GPC6: variants seen among roughly 807,000 people sequenced by gnomAD.
GPC6 encodes glypican 6, also known as glypican-6.
A neutral mutation model predicts 55.2 loss-of-function variants in GPC6; 14 were observed. The ratio of observed to expected loss-of-function variants is 0.25; its 90% CI spans 0.17 to 0.40. The LOEUF (loss-of-function observed/expected upper bound fraction) is 0.40, where lower values mean the gene tolerates loss of function less well. Among genes scored for constraint, GPC6 ranks in the 10% least tolerant of loss-of-function variants. The pLI, the probability that GPC6 is intolerant of heterozygous loss-of-function variation, is 1.00. For missense variants in GPC6, 641 were observed against 708.5 expected, an observed-to-expected ratio of 0.90 and a Z score of 1.08; for synonymous variants, 278 against 259.6, an observed-to-expected ratio of 1.07 and a Z score of -0.68.
At chr13:93,585,998 G>T (rs932690816) in intron 2 of GPC6, among the ~76,000 whole-genome samples, 6 of 151,806 alleles carry the variant, frequency 4.0e-5, no homozygotes, top group African/African-American at 1.5e-4. Context: ...GGATACATGT[G>T]CAGGTTTGTT....
chr13:93,725,656 C>A (rs1883610091), intron 2 of GPC6, among the ~76,000 whole-genome samples: 1 of 151,996 alleles, frequency 6.6e-6, no homozygotes, highest in Admixed American at 6.6e-5. Flanking sequence ...TACCAATAAT[C>A]ATCAATATTA....
chr13:93,708,187 A>T (rs1211619239), intron 2 of GPC6, among the ~76,000 whole-genome samples: 2 of 151,880 alleles, frequency 1.3e-5, no homozygotes, highest in Non-Finnish European at 2.9e-5. Context: ...AGTAACATAT[A>T]TGTGGGCACT....
At chr13:93,263,198 T>C (rs1320550605) in intron 1 of GPC6, among the ~76,000 whole-genome samples, 1 of 152,164 alleles carries the variant, frequency 6.6e-6, no homozygotes, top group Non-Finnish European at 1.5e-5. Flanking sequence ...CAACACCATG[T>C]TGGAGCCAGT....
chr13:94,096,952 T>G (rs77286032), intron 4 of GPC6, among the ~76,000 whole-genome samples: 3,824 of 152,038 alleles, frequency 0.025, 162 homozygotes, highest in African/African-American at 0.087. Context: ...AGCCATCAAC[T>G]CAGAAAAATG....
intron 4 of GPC6, among the ~76,000 whole-genome samples, chr13:94,264,871 A>T (rs781232546): frequency 1.5e-4 from 23 of 152,232 alleles, no homozygotes; most frequent in Non-Finnish European, 3.2e-4. Flanking sequence ...AGGCCTATCT[A>T]ACATGGCAGC....
chr13:94,260,558 G>C (rs1004242090), intron 4 of GPC6, among the ~76,000 whole-genome samples: 1 of 152,094 alleles, frequency 6.6e-6, no homozygotes. Context: ...CAGTTATAAT[G>C]GATTAGGGCC....
intron 4 of GPC6, among the ~76,000 whole-genome samples, chr13:94,127,185 G>T (rs1336371478): frequency 6.6e-6 from 1 of 151,910 alleles, no homozygotes; most frequent in African/African-American, 2.4e-5. Flanking sequence ...AACCTATGAA[G>T]GAGAGTTTGC....
At chr13:93,773,472 A>G (rs1251139771) in intron 2 of GPC6, among the ~76,000 whole-genome samples, 2 of 151,778 alleles carry the variant, frequency 1.3e-5, no homozygotes, top group Non-Finnish European at 2.9e-5. Context: ...TTTTTGATGT[A>G]GCTTACGTAC....
At chr13:94,038,741 T>G (rs1372919827) in intron 4 of GPC6, among the ~76,000 whole-genome samples, 1 of 151,878 alleles carries the variant, frequency 6.6e-6, no homozygotes, top group South Asian at 2.1e-4. Context: ...TGGGCTCCTG[T>G]GCAGGTGAAT....
chr13:93,629,824 AAGAGT>A (rs1371620216), intron 2 of GPC6, among the ~76,000 whole-genome samples: 5 of 152,216 alleles, frequency 3.3e-5, no homozygotes. Flanking sequence ...CTTTCTTGAC[AAGAGT>A]AGAGATTGCA....
chr13:94,084,787 T>C (rs1885223127), intron 4 of GPC6, among the ~76,000 whole-genome samples: 1 of 152,120 alleles, frequency 6.6e-6, no homozygotes, highest in Non-Finnish European at 1.5e-5. Flanking sequence ...GGAAATCAAA[T>C]ATTACACTTT....
intron 2 of GPC6, among the ~76,000 whole-genome samples, chr13:93,812,152 G>GCA (rs1566547645): frequency 2.0e-4 from 28 of 137,930 alleles, no homozygotes; most frequent in Non-Finnish European, 2.9e-4. Flanking sequence ...TGGGGGGGGG[G>GCA]GCGGGGGGTG....
chr13:93,660,943 A>G (rs116154900), intron 2 of GPC6, among the ~76,000 whole-genome samples: 111 of 152,272 alleles, frequency 7.3e-4, no homozygotes, highest in African/African-American at 2.5e-3. Context: ...CTTCTCTCCT[A>G]TGGGAGCAAG....
chr13:93,741,305 C>G (rs1008529596), intron 2 of GPC6, among the ~76,000 whole-genome samples: 1 of 151,516 alleles, frequency 6.6e-6, no homozygotes, highest in Non-Finnish European at 1.5e-5. Flanking sequence ...TTAGTAGAGA[C>G]GGGGTTTCAC....
chr13:93,396,571 A>G (rs1015511601), intron 1 of GPC6, among the ~76,000 whole-genome samples: 5 of 149,526 alleles, frequency 3.3e-5, no homozygotes, highest in Admixed American at 3.3e-4. Context: ...CCATCTCAAA[A>G]AAGAAAATAA....
chr13:94,252,177 G>C (rs191404965), intron 4 of GPC6, among the ~76,000 whole-genome samples: 2 of 152,210 alleles, frequency 1.3e-5, no homozygotes, highest in East Asian at 3.9e-4. Flanking sequence ...CAGGTGTCTG[G>C]AATCAAGGCT....
chr13:93,889,828 CT>C (rs1441748876), intron 3 of GPC6, among the ~76,000 whole-genome samples: 1 of 152,096 alleles, frequency 6.6e-6, no homozygotes, highest in Non-Finnish European at 1.5e-5. Flanking sequence ...CCTCTGAACA[CT>C]GATCTCTGCC....
chr13:93,699,308 A>T (rs1882588493), intron 2 of GPC6, among the ~76,000 whole-genome samples: 2 of 152,142 alleles, frequency 1.3e-5, no homozygotes, highest in African/African-American at 4.8e-5. Context: ...GAATTAAAAG[A>T]TAAAAAGTAG....
intron 7 of GPC6, among the ~76,000 whole-genome samples, chr13:94,387,606 CAT>C (rs1469031116): frequency 6.6e-6 from 1 of 152,140 alleles, no homozygotes; most frequent in African/African-American, 2.4e-5. Flanking sequence ...CCCGAAAATT[CAT>C]AGTTGAAATC....
Sources: allele counts gnomAD v4.1 joint callset (sites outside exome capture counted in the v4.1 genomes callset), GRCh38; gene constraint gnomAD v4.1.1; transcripts MANE v1.5; gene names NCBI Gene and HGNC (gene_info 2026-07-23, HGNC 2026-07-21).